The following CTXN3 variants were observed in gnomAD, a reference collection of about 807,000 sequenced individuals.
The protein encoded by CTXN3 is cortexin-3.
CTXN3 carries 4 observed loss-of-function variants against 5.0 expected under a neutral mutation model. That is an observed-to-expected ratio of 0.79 (90% confidence interval 0.39 to 1.82). The LOEUF (loss-of-function observed/expected upper bound fraction) is 1.82. Among genes scored for constraint, CTXN3 ranks in the 40% most tolerant of loss-of-function variants. The pLI, the probability that CTXN3 is intolerant of heterozygous loss-of-function variation, is 0.04. For missense variants in CTXN3, 89 were observed against 99.7 expected, an observed-to-expected ratio of 0.89 and a Z score of 0.46; for synonymous variants, 48 against 38.6, an observed-to-expected ratio of 1.24 and a Z score of -0.91.
chr5:127,649,258 C>G lies in CTXN3; in HGVS notation c.-337C>G, dbSNP rs530237614. The G allele has an allele frequency of 6.6e-6, 1 of 152,316 alleles. No individual in the cohort carries two copies. The highest frequency in any genetic ancestry group is 6.5e-5 in the Admixed American group (1 of 15,294). 9.4% of individuals were successfully genotyped at this position (152,316 alleles called of 1,614,324 possible). A position where few individuals can be genotyped will look rare whatever the true frequency, so the allele number is the denominator to read the frequency against. On this transcript the variant is annotated 5_prime_UTR_variant, in exon 1 of 3. Transcript: ENST00000379445. ...CTTTAGACCTGGGGTGTGCCATCAG[C>G]TGCCTTGCAGCTACCACTGTCTACT...
Position 127,658,623 on chromosome 5 carries a change from A to T in CTXN3, c.*856A>T, listed in dbSNP as rs116673667. The stretch of plus-strand genomic sequence containing the variant: ...ATATAGTCACCAAATAAAACTTTTC[A>T]AGAAACAGAAATGCTTCCTCTCTTA... On this transcript the variant is annotated 3_prime_UTR_variant, in exon 3 of 3. Coordinates refer to ENST00000379445, the MANE Select transcript of CTXN3 (RefSeq NM_001048252.3). 0.017 allele frequency: 2,789 copies of T among 165,760 alleles called. 36 individuals carry two copies. The highest frequency in any genetic ancestry group is 0.027 in the East Asian group (141 of 5,188). The allele number at this position is 165,760 out of a possible 1,614,324, so 10.3% of individuals were successfully genotyped here.
chr5:127,651,352 T>C (rs1035345297), intron 1 of CTXN3, among the ~76,000 whole-genome samples: 2 of 152,126 alleles, frequency 1.3e-5, no homozygotes, highest in African/African-American at 4.8e-5. Context: ...TTTAGGAATA[T>C]TTAAAATACA....
chr5:127,651,452 G>A (rs1326095504), intron 1 of CTXN3, among the ~76,000 whole-genome samples: 2 of 152,142 alleles, frequency 1.3e-5, no homozygotes, highest in African/African-American at 4.8e-5. Flanking sequence ...AAAAACTAGG[G>A]ATCTACCATC....
chr5:127,650,972 A>G (rs531077851), intron 1 of CTXN3, among the ~76,000 whole-genome samples: 16 of 152,208 alleles, frequency 1.1e-4, no homozygotes, highest in Non-Finnish European at 2.2e-4. Flanking sequence ...GTATTACTTG[A>G]ATCATTCAAA....
Position 127,649,396 on chromosome 5 carries a change from A to G in CTXN3, c.-207+8A>G, listed in dbSNP as rs906053476. The stretch of plus-strand genomic sequence containing the variant: ...TTGTTCAGCCAGAGCCAGGTACTTG[A>G]CCCAACCTGTATCTTTGACGGGCTA... On this transcript the variant is annotated splice_region_variant and intron_variant, in intron 1 of 2. Coordinates refer to ENST00000379445, the MANE Select transcript of CTXN3 (RefSeq NM_001048252.3). 1.3e-5 allele frequency: 2 copies of G among 152,124 alleles called. No individual in the cohort carries two copies. Among genetic ancestry groups the G allele is most frequent in the Non-Finnish European group, 2.9e-5 (2 of 68,018 alleles). The allele number at this position is 152,124 out of a possible 1,614,324, so 9.4% of individuals were successfully genotyped here.
chr5:127,653,179 C>A (rs1156666944), intron 1 of CTXN3, 138 bp from the exon 2 acceptor site: 1 of 152,174 alleles, frequency 6.6e-6, no homozygotes, highest in Non-Finnish European at 1.5e-5. Flanking sequence ...AATGACTACG[C>A]CTGCTGGGCT....
Position 127,653,338 on chromosome 5 carries a change from C to T in CTXN3, c.-185C>T, listed in dbSNP as rs563661658. ...TCAGTATTAAAATTAGACTCTATTTCCTGAGCACCCACAAATGGACCTGAC... is the reference window on the plus strand; with the variant it reads ...TCAGTATTAAAATTAGACTCTATTTTCTGAGCACCCACAAATGGACCTGAC... On this transcript the variant is annotated 5_prime_UTR_variant, in exon 2 of 3. Coordinates refer to ENST00000379445, the MANE Select transcript of CTXN3 (RefSeq NM_001048252.3). The T allele has an allele frequency of 1.3e-5, 2 of 152,224 alleles. No individual in the cohort carries two copies. Among genetic ancestry groups the T allele is most frequent in the South Asian group, 4.2e-4 (2 of 4,818 alleles). 9.4% of individuals were successfully genotyped at this position (152,224 alleles called of 1,614,324 possible).
chr5:127,651,251 T>C (rs1321379060), intron 1 of CTXN3, among the ~76,000 whole-genome samples: 4 of 152,216 alleles, frequency 2.6e-5, no homozygotes, highest in African/African-American at 9.6e-5. Context: ...ATGGATGGGC[T>C]GTTTTGACAC....
intron 2 of CTXN3, among the ~76,000 whole-genome samples, chr5:127,657,210 C>G (rs1425087822): frequency 1.3e-5 from 2 of 152,168 alleles, no homozygotes; most frequent in Non-Finnish European, 2.9e-5. Flanking sequence ...CTGCCCATCC[C>G]TCCTGGCCCC....
chr5:127,653,561 T>C (rs892000787), intron 2 of CTXN3, 138 bp downstream of exon 2: 3 of 152,228 alleles, frequency 2.0e-5, no homozygotes, highest in Non-Finnish European at 2.9e-5. Flanking sequence ...AAGATGTCAT[T>C]ATTCAGTTAA....
At chr5:127,653,934 C>T (rs1025313419) in intron 2 of CTXN3, among the ~76,000 whole-genome samples, 1 of 152,158 alleles carries the variant, frequency 6.6e-6, no homozygotes, top group Admixed American at 6.5e-5. Flanking sequence ...TCCCTCATCC[C>T]TCCCCTAGGG....
intron 1 of CTXN3, among the ~76,000 whole-genome samples, chr5:127,650,760 G>C (rs1037499151): frequency 3.2e-4 from 48 of 152,182 alleles, no homozygotes; most frequent in African/African-American, 1.1e-3. Flanking sequence ...AGATAACGAG[G>C]TGGCTTATAC....
intron 1 of CTXN3, among the ~76,000 whole-genome samples, chr5:127,650,157 C>A (rs1457285324): frequency 6.6e-6 from 1 of 151,962 alleles, no homozygotes; most frequent in African/African-American, 2.4e-5. Flanking sequence ...TCCTGCTGAC[C>A]CAGAGCTTAA....
At position 127,657,558 on chromosome 5, in the gene CTXN3, C is replaced by A. The variant is rs766885202; in HGVS notation, c.37C>A (p.Pro13Thr). Residue 13 changes from proline to threonine, a missense_variant, in exon 3 of 3, where the codon CCC (proline) becomes ACC (threonine). Coordinates refer to ENST00000379445, the MANE Select transcript of CTXN3 (RefSeq NM_001048252.3). ...ACAGCCCATCCCCTCATCCCTAGTG[C>A]CCCTTGGGAACGAATCAGCAGATTC... ...GGQPIPSSLV[P>T]LGNESADSSM... The A allele has an allele frequency of 4.2e-5, 68 of 1,613,864 alleles. No homozygotes were observed. Among genetic ancestry groups the A allele is most frequent in the Non-Finnish European group, 5.6e-5 (66 of 1,179,910 alleles).
intron 2 of CTXN3, among the ~76,000 whole-genome samples, chr5:127,656,459 G>C (rs1375430332): frequency 3.6e-4 from 55 of 152,142 alleles, no homozygotes; most frequent in Admixed American, 3.6e-3. Flanking sequence ...ATGGTAGGAA[G>C]CCACTCTAAG....
chr5:127,655,329 A>G (rs1371642299), intron 2 of CTXN3, among the ~76,000 whole-genome samples: 1 of 152,204 alleles, frequency 6.6e-6, no homozygotes, highest in Non-Finnish European at 1.5e-5. Flanking sequence ...TGGACAAAGA[A>G]CAGGACTCTG....
At chr5:127,656,100 G>A (rs941709006) in intron 2 of CTXN3, among the ~76,000 whole-genome samples, 7 of 152,024 alleles carry the variant, frequency 4.6e-5, no homozygotes, top group Non-Finnish European at 8.8e-5. Context: ...TATTTTCATT[G>A]AGCAAAATTT....
rs570571848 is a variant in CTXN3 at position 127,658,369 on chromosome 5, A to G, written c.*602A>G. The G allele has an allele frequency of 6.0e-6, 1 of 167,650 alleles. No individual in the cohort carries two copies. Among genetic ancestry groups the G allele is most frequent in the African/African-American group, 2.4e-5 (1 of 41,594 alleles). The allele number at this position is 167,650 out of a possible 1,614,324, so 10.4% of individuals were successfully genotyped here. ...CGTTTTGTTTTTCAAGTAAAACTTA[A>G]TTCAAAGGCTACAAAGTTTTAAAAA... On this transcript the variant is annotated 3_prime_UTR_variant, in exon 3 of 3. Coordinates refer to ENST00000379445, the MANE Select transcript of CTXN3 (RefSeq NM_001048252.3).
chr5:127,652,964 T>C (rs1354530343), intron 1 of CTXN3: 1 of 152,186 alleles, frequency 6.6e-6, no homozygotes, highest in Non-Finnish European at 1.5e-5. Context: ...CCGGAAAACA[T>C]CTGGGCATCA....
Sources: gnomAD v4.1 joint callset for allele counts (sites outside exome capture counted in the v4.1 genomes callset) on GRCh38, gnomAD v4.1.1 for gene constraint, MANE v1.5 for transcripts, NCBI Gene and HGNC (gene_info 2026-07-23, HGNC 2026-07-21) for gene names.